The following ANTXR1 variants were observed in gnomAD, a reference collection of about 807,000 sequenced individuals.
The protein encoded by ANTXR1 is ANTXR cell adhesion molecule 1, also known as anthrax toxin receptor 1.
A neutral mutation model predicts 78.1 loss-of-function variants in ANTXR1; 19 were observed. The ratio of observed to expected loss-of-function variants is 0.24; its 90% CI spans 0.17 to 0.36. ANTXR1 has a LOEUF of 0.36. Ranked by LOEUF, ANTXR1 falls within the 10% of genes least tolerant of loss-of-function variation. The pLI, the probability that ANTXR1 is intolerant of heterozygous loss-of-function variation, is 1.00. For synonymous variants in ANTXR1, 273 were observed against 260.5 expected, an observed-to-expected ratio of 1.05 and a Z score of -0.46; for missense variants, 518 against 718.6, an observed-to-expected ratio of 0.72 and a Z score of 3.19.
chr2:69,234,069 T>G (rs1272259422), intron 17 of ANTXR1, among the ~76,000 whole-genome samples: 4 of 152,180 alleles, frequency 2.6e-5, no homozygotes, highest in African/African-American at 9.6e-5. Flanking sequence ...CCAACTTAAT[T>G]TATGAATTAC....
rs115091560 is a variant in ANTXR1 at position 69,077,381 on chromosome 2, G to A, written c.562-27G>A. ...CATCCAAGCCTAACAGTCTCCCCAT[G>A]TGTTTGTGTATTTGCTGTGTTCTCA... On this transcript the variant is annotated intron_variant, in intron 7 of 17. Transcript: ENST00000303714. 2.0e-3 allele frequency: 3,298 copies of A among 1,613,692 alleles called. 63 individuals are homozygous for A. In the African/African-American group the frequency reaches 0.039, roughly 19 times the overall value.
intron 13 of ANTXR1, among the ~76,000 whole-genome samples, chr2:69,168,438 A>G (rs1673890316): frequency 6.6e-6 from 1 of 152,212 alleles, no homozygotes; most frequent in Non-Finnish European, 1.5e-5. Flanking sequence ...TGGAATTCAC[A>G]TATAACATCT....
At chr2:69,095,308 A>G (rs1038705647) in intron 9 of ANTXR1, among the ~76,000 whole-genome samples, 1 of 152,072 alleles carries the variant, frequency 6.6e-6, no homozygotes, top group African/African-American at 2.4e-5. Flanking sequence ...AAATGTATCA[A>G]CACAAAAATG....
intron 3 of ANTXR1, among the ~76,000 whole-genome samples, chr2:69,048,989 T>C (rs1281735586): frequency 6.6e-6 from 1 of 152,204 alleles, no homozygotes; most frequent in African/African-American, 2.4e-5. Flanking sequence ...TTTTGTTTTT[T>C]TCTTCAAATT....
At chr2:69,130,928 A>T (rs1672722673) in intron 12 of ANTXR1, among the ~76,000 whole-genome samples, 1 of 152,236 alleles carries the variant, frequency 6.6e-6, no homozygotes, top group Non-Finnish European at 1.5e-5. Context: ...TGATAAGTCA[A>T]ACAAGACTGG....
chr2:69,023,065 C>T (rs1305822927), intron 1 of ANTXR1, among the ~76,000 whole-genome samples: 3 of 152,210 alleles, frequency 2.0e-5, no homozygotes, highest in African/African-American at 7.2e-5. Context: ...AGGCCACCTT[C>T]GGAATCAGGC....
At chr2:69,092,318 G>A (rs1671267888) in intron 9 of ANTXR1, among the ~76,000 whole-genome samples, 1 of 152,204 alleles carries the variant, frequency 6.6e-6, no homozygotes, top group South Asian at 2.1e-4. Flanking sequence ...TAGAACAACT[G>A]AAAGACTTTC....
chr2:69,125,333 T>A (rs2104382357), intron 12 of ANTXR1, among the ~76,000 whole-genome samples: 1 of 152,296 alleles, frequency 6.6e-6, no homozygotes, highest in East Asian at 1.9e-4. Context: ...GAGAGCTTTT[T>A]AAAAAGATTG....
chr2:69,131,265 G>T (rs1046480186), intron 12 of ANTXR1, among the ~76,000 whole-genome samples: 4 of 152,086 alleles, frequency 2.6e-5, no homozygotes, highest in African/African-American at 9.7e-5. Context: ...CTTATATGTT[G>T]CCAGACAAAG....
intron 8 of ANTXR1, among the ~76,000 whole-genome samples, chr2:69,090,074 A>C (rs992428883): frequency 1.3e-5 from 2 of 152,100 alleles, no homozygotes; most frequent in Admixed American, 6.5e-5. Context: ...ACAAGTGTAC[A>C]TTTCCATTTA....
chr2:69,153,284 G>A (rs1673444492), intron 13 of ANTXR1, among the ~76,000 whole-genome samples: 1 of 152,190 alleles, frequency 6.6e-6, no homozygotes, highest in East Asian at 1.9e-4. Context: ...GTTCACATCT[G>A]TGTGTACAGC....
rs146005674 is a variant in ANTXR1 at position 69,158,666 on chromosome 2, A to T, written c.1047+6402A>T. On this transcript the variant is annotated intron_variant, in intron 13 of 17. Coordinates refer to ENST00000303714, the MANE Select transcript of ANTXR1 (RefSeq NM_032208.3). ...TTTCACTTTCAGTATAGTATTCAAT[A>T]AATTACATGAGATAGTCAATACTTG... Among the ~76,000 whole-genome samples the T allele has an allele frequency of 3.2e-3, 495 of 152,342 alleles. 4 individuals are homozygous for T. The highest frequency in any genetic ancestry group is 0.012 in the African/African-American group (480 of 41,580).
At chr2:69,202,819 A>C (rs1674808014) in intron 17 of ANTXR1, among the ~76,000 whole-genome samples, 1 of 152,224 alleles carries the variant, frequency 6.6e-6, no homozygotes. Flanking sequence ...TGCTGGCAGC[A>C]CTTCTCCACA....
chr2:69,066,019 T>A (rs1670386385), intron 3 of ANTXR1, among the ~76,000 whole-genome samples: 1 of 152,246 alleles, frequency 6.6e-6, no homozygotes, highest in Middle Eastern at 3.4e-3. Flanking sequence ...GTAAACTAGA[T>A]CCACAAAAAC....
chr2:69,099,978 A>C (rs1671556472), intron 9 of ANTXR1, among the ~76,000 whole-genome samples: 1 of 152,248 alleles, frequency 6.6e-6, no homozygotes, highest in African/African-American at 2.4e-5. Context: ...GATCTTAAGG[A>C]AACCTTAAAG....
intron 12 of ANTXR1, among the ~76,000 whole-genome samples, chr2:69,131,513 A>G (rs533746537): frequency 6.6e-6 from 1 of 152,348 alleles, no homozygotes; most frequent in Non-Finnish European, 1.5e-5. Flanking sequence ...GAGAGTTGTC[A>G]TAAAGCAAAC....
At chr2:69,014,308 A>C (rs1670957641) in intron 1 of ANTXR1, among the ~76,000 whole-genome samples, 1 of 152,052 alleles carries the variant, frequency 6.6e-6, no homozygotes, top group Non-Finnish European at 1.5e-5. Context: ...ACTGGATGCC[A>C]GTAACATCCC....
chr2:69,184,540 C>T (rs546414342), intron 16 of ANTXR1, among the ~76,000 whole-genome samples: 18 of 152,312 alleles, frequency 1.2e-4, no homozygotes, highest in Non-Finnish European at 2.1e-4. Flanking sequence ...TTGTGACTAA[C>T]GCCACATCTT....
chr2:69,037,490 A>G (rs1381765451), intron 1 of ANTXR1, among the ~76,000 whole-genome samples: 1 of 151,942 alleles, frequency 6.6e-6, no homozygotes, highest in Non-Finnish European at 1.5e-5. Flanking sequence ...GTTTTTTGAG[A>G]TGGAGTTTCC....
Sources: allele counts gnomAD v4.1 joint callset (sites outside exome capture counted in the v4.1 genomes callset), GRCh38; gene constraint gnomAD v4.1.1; transcripts MANE v1.5; gene names NCBI Gene and HGNC (gene_info 2026-07-23, HGNC 2026-07-21).